Variants in TBCK observed in about 807,000 individuals in gnomAD.
The protein encoded by TBCK is TBC domain-containing protein kinase-like protein.
Under a neutral mutation model 113.4 loss-of-function variants are expected in TBCK, and 99 were observed. The ratio of observed to expected loss-of-function variants is 0.87; its 90% CI spans 0.74 to 1.03. TBCK has a LOEUF of 1.03. TBCK is among the 50% of genes least tolerant of loss of function. The probability of loss-of-function intolerance (pLI) is 0.00; values close to 1 mark genes in which losing one functional copy is unlikely to be tolerated. For missense variants in TBCK, 1,045 were observed against 1,061.3 expected, an observed-to-expected ratio of 0.98 and a Z score of 0.21; for synonymous variants, 369 against 370.8, an observed-to-expected ratio of 1.00 and a Z score of 0.05.
intron 23 of TBCK, among the ~76,000 whole-genome samples, chr4:106,129,299 G>A (rs954300841): frequency 3.3e-5 from 5 of 152,042 alleles, no homozygotes; most frequent in South Asian, 2.1e-4. Context: ...CCCTCTCTCC[G>A]CCCCCTGGAC....
intron 20 of TBCK, among the ~76,000 whole-genome samples, chr4:106,199,408 C>G (rs897775002): frequency 6.6e-6 from 1 of 152,108 alleles, no homozygotes; most frequent in Admixed American, 6.5e-5. Flanking sequence ...CTCTCACTCT[C>G]AACCTGGAGT....
intron 19 of TBCK, among the ~76,000 whole-genome samples, chr4:106,220,408 CTT>C (rs1033091022): frequency 1.3e-5 from 2 of 151,660 alleles, no homozygotes; most frequent in Admixed American, 1.3e-4. Context: ...TTAAACCTCT[CTT>C]TTTTTTTCCA....
chr4:106,073,256 A>T (rs1737713564), intron 25 of TBCK, among the ~76,000 whole-genome samples: 1 of 152,090 alleles, frequency 6.6e-6, no homozygotes, highest in South Asian at 2.1e-4. Context: ...TTGGTCTTTG[A>T]TGATGGTGAC....
intron 23 of TBCK, among the ~76,000 whole-genome samples, chr4:106,127,685 GTA>G (rs1190699250): frequency 2.0e-5 from 3 of 152,038 alleles, no homozygotes; most frequent in South Asian, 2.1e-4. Flanking sequence ...GTGTGTGTGT[GTA>G]TGTGTTCAAA....
chr4:106,193,431 T>C (rs1320387117), intron 22 of TBCK, among the ~76,000 whole-genome samples, 178 bp downstream of exon 22: 1 of 152,066 alleles, frequency 6.6e-6, no homozygotes, highest in East Asian at 1.9e-4. Context: ...GATTTGTATT[T>C]ACAATGCTGG....
chr4:106,156,091 G>A (rs537957318), intron 23 of TBCK, among the ~76,000 whole-genome samples: 128 of 152,164 alleles, frequency 8.4e-4, no homozygotes, highest in Middle Eastern at 3.4e-3. Flanking sequence ...CTGTATTAAC[G>A]GACACCCCAA....
chr4:106,310,370 T>G (rs1467470316), intron 1 of TBCK: 1 of 152,182 alleles, frequency 6.6e-6, no homozygotes, highest in East Asian at 1.9e-4. Flanking sequence ...CCCTTCAGAT[T>G]CAGAGGCTTC....
chr4:106,216,694 AT>A (rs1476587964), intron 19 of TBCK, among the ~76,000 whole-genome samples: 1 of 152,198 alleles, frequency 6.6e-6, no homozygotes, highest in East Asian at 1.9e-4. Flanking sequence ...GAATAGACCA[AT>A]AACAGGATCT....
At chr4:106,255,786 C>T (rs1761923517) in intron 5 of TBCK, among the ~76,000 whole-genome samples, 1 of 152,108 alleles carries the variant, frequency 6.6e-6, no homozygotes. Context: ...AATTCTTGTC[C>T]TGCATCCAAG....
At chr4:106,067,237 G>C (rs1023269122) in intron 25 of TBCK, among the ~76,000 whole-genome samples, 2 of 152,058 alleles carry the variant, frequency 1.3e-5, no homozygotes, top group Admixed American at 1.3e-4. Flanking sequence ...TAATGATACT[G>C]ATTATCTTTT....
chr4:106,198,728 ACT>A (rs1205165530), intron 20 of TBCK, among the ~76,000 whole-genome samples: 1 of 151,836 alleles, frequency 6.6e-6, no homozygotes, highest in Non-Finnish European at 1.5e-5. Context: ...ATATTCATTC[ACT>A]CTTTCATTCA....
intron 23 of TBCK, among the ~76,000 whole-genome samples, chr4:106,123,295 T>C (rs1302782603): frequency 3.3e-5 from 5 of 152,044 alleles, no homozygotes; most frequent in African/African-American, 4.8e-5. Context: ...GAATAAAACA[T>C]CTAGGAATCC....
chr4:106,137,792 T>C (rs1202831549), intron 23 of TBCK, among the ~76,000 whole-genome samples: 1 of 140,680 alleles, frequency 7.1e-6, no homozygotes, highest in Non-Finnish European at 1.6e-5. Context: ...ACAGATTTTT[T>C]TTTTCAGTGA....
chr4:106,145,248 G>A (rs1359220125), intron 23 of TBCK, among the ~76,000 whole-genome samples: 2 of 151,534 alleles, frequency 1.3e-5, no homozygotes, highest in East Asian at 2.0e-4. Flanking sequence ...AACCCAGGAG[G>A]TGGAGGTTGC....
chr4:106,197,411 G>GTGTGTGTATATATATATATATA (rs35695611), intron 20 of TBCK, among the ~76,000 whole-genome samples: 1 of 122,446 alleles, frequency 8.2e-6, no homozygotes, highest in African/African-American at 3.1e-5. Flanking sequence ...GTGTGTGTGT[G>GTGTGTGTATATATATATATATA]TATATATATA....
In TBCK at chr4:106,203,244, G is replaced by T. The variant is rs1477350823; in HGVS notation, c.1861-8490C>A. ...CTTCAGGCTCATGTATGACAGCTGA[G>T]CAGTAAGTTCAAAGGACATATACAC... On this transcript the variant is annotated intron_variant, in intron 20 of 25. Coordinates refer to ENST00000394708, the MANE Select transcript of TBCK (RefSeq NM_001163435.3). 2.0e-5 allele frequency among the ~76,000 whole-genome samples: 3 copies of T among 150,184 alleles called. No individual in the cohort carries two copies. The East Asian group carries it at 5.9e-4, about 29-fold the overall frequency.
At chr4:106,223,191 A>C (rs542100821) in intron 19 of TBCK, among the ~76,000 whole-genome samples, 1 of 152,308 alleles carries the variant, frequency 6.6e-6, no homozygotes, top group South Asian at 2.1e-4. Context: ...ATGGAAAAAA[A>C]CACAACTGCT....
At chr4:106,297,848 C>A (rs1333247611) in intron 2 of TBCK, 1 of 152,086 alleles carries the variant, frequency 6.6e-6, no homozygotes, top group African/African-American at 2.4e-5. Context: ...CCTCTCTATG[C>A]CAGATTTTTT....
In TBCK at chr4:106,092,879, A is replaced by G. The variant is rs116767136; in HGVS notation, c.2571+2603T>C. Among the ~76,000 whole-genome samples the G allele has an allele frequency of 5.6e-3, 846 of 152,330 alleles. 9 individuals carry two copies. The highest frequency in any genetic ancestry group is 0.02 in the African/African-American group (817 of 41,580). ...GCTGAAGGGCTCCTCAAGTGCAGCC[A>G]GAGTGGGTGCTGAGGCCGAGGAGGT... On this transcript the variant is annotated intron_variant, in intron 25 of 25. Transcript: ENST00000394708.
Sources: allele counts gnomAD v4.1 joint callset (sites outside exome capture counted in the v4.1 genomes callset), GRCh38; gene constraint gnomAD v4.1.1; transcripts MANE v1.5; gene names NCBI Gene and HGNC (gene_info 2026-07-23, HGNC 2026-07-21).